The following TPD52L1 variants were observed in gnomAD, a reference collection of about 807,000 sequenced individuals.
TPD52L1 encodes the protein TPD52 like 1, also known as tumor protein D53.
Under a neutral mutation model 28.7 loss-of-function variants are expected in TPD52L1, and 18 were observed. The ratio of observed to expected loss-of-function variants is 0.63; its 90% confidence interval spans 0.43 to 0.93. The LOEUF (loss-of-function observed/expected upper bound fraction) is 0.93, where lower values mean the gene tolerates loss of function less well. Ranked by LOEUF, TPD52L1 falls within the 40% of genes least tolerant of loss-of-function variation. TPD52L1 has a pLI of 0.00. For missense variants in TPD52L1, 203 were observed against 254.8 expected (o/e 0.80, Z 1.39); for synonymous variants, 75 against 88.8 (o/e 0.84, Z 0.88).
At chr6:125,227,395 C>T (rs1297905395) in intron 2 of TPD52L1, among the ~76,000 whole-genome samples, 1 of 152,170 alleles carries the variant, frequency 6.6e-6, no homozygotes, top group Non-Finnish European at 1.5e-5. Flanking sequence ...GAGCTGCTTT[C>T]CCAGGAGCTG....
chr6:125,169,991 C>T (rs1239094163), intron 1 of TPD52L1, among the ~76,000 whole-genome samples: 1 of 152,140 alleles, frequency 6.6e-6, no homozygotes, highest in Admixed American at 6.5e-5. Context: ...CTTCAAGACG[C>T]TTCCTCAGAT....
chr6:125,231,464 T>C (rs779556105), intron 3 of TPD52L1, among the ~76,000 whole-genome samples: 12 of 152,180 alleles, frequency 7.9e-5, no homozygotes, highest in Non-Finnish European at 1.5e-4. Context: ...AATGTCTAAT[T>C]TGTGTTTTTC....
intron 1 of TPD52L1, among the ~76,000 whole-genome samples, chr6:125,172,539 T>TATATATATTATATATATATA (rs1562214632): frequency 1.1e-5 from 1 of 95,042 alleles, no homozygotes; most frequent in Non-Finnish European, 2.0e-5. Flanking sequence ...TATATATATA[T>TATATATATTATATATATATA]ATATATATAT....
rs146766942 is a variant in TPD52L1, at chr6:125,213,847, A to G, written c.20-6231A>G. Among the ~76,000 whole-genome samples the G allele has an allele frequency of 1.6e-3, 244 of 152,288 alleles. 1 individual carries two copies. Among genetic ancestry groups the G allele is most frequent in the African/African-American group, 5.8e-3 (240 of 41,564 alleles). ...GGCAGGCTTCCTATACCATTCAAGGACCAGGAAAGATGTAAATGGGTGGCA... is the reference window on the plus strand; with the variant it reads ...GGCAGGCTTCCTATACCATTCAAGGGCCAGGAAAGATGTAAATGGGTGGCA... On this transcript the variant is annotated intron_variant, in intron 1 of 6. Coordinates refer to ENST00000534000, the MANE Select transcript of TPD52L1 (RefSeq NM_003287.4).
In TPD52L1 at chr6:125,193,978, A is replaced by C. The variant is rs1025014982; in HGVS notation, c.20-26100A>C. Among the ~76,000 whole-genome samples the C allele has an allele frequency of 3.3e-5, 5 of 151,168 alleles. No homozygotes were observed. In the South Asian group the frequency reaches 1.0e-3, roughly 32 times the overall value. ...TATAGATCAAGTCTCTTCAATCATA[A>C]TGATTCAGATAAATAGAGAATTTTG... On this transcript the variant is annotated intron_variant, in intron 1 of 6. Transcript: ENST00000534000.
rs1435368634 is a variant in TPD52L1, at chr6:125,172,185, C to T, written c.19+18215C>T. Reference sequence around the variant, plus strand: ...TCTTTCTTTCTTTCTTTCTTTCTTTCTTTCTTTCTTTCTTTCTTTCTTCTT... The same window carrying T: ...TCTTTCTTTCTTTCTTTCTTTCTTTTTTTCTTTCTTTCTTTCTTTCTTCTT... On this transcript the variant is annotated intron_variant, in intron 1 of 6. Coordinates refer to ENST00000534000, the MANE Select transcript of TPD52L1 (RefSeq NM_003287.4). 2.3e-4 allele frequency among the ~76,000 whole-genome samples: 26 copies of T among 113,262 alleles called. 2 individuals are homozygous for T. Among genetic ancestry groups the T allele is most frequent in the African/African-American group, 9.9e-4 (26 of 26,346 alleles). The allele number at this position is 113,262 out of a possible 152,430, so 74.3% of individuals were successfully genotyped here.
chr6:125,249,821 T>C (rs1320775569), intron 4 of TPD52L1, among the ~76,000 whole-genome samples: 1 of 152,070 alleles, frequency 6.6e-6, no homozygotes, highest in Non-Finnish European at 1.5e-5. Flanking sequence ...ATTGCTGGAC[T>C]GTCCACAATA....
chr6:125,249,232 T>C (rs1049902271), intron 4 of TPD52L1, among the ~76,000 whole-genome samples: 5 of 151,828 alleles, frequency 3.3e-5, no homozygotes, highest in South Asian at 2.1e-4. Context: ...TTGGCTGATA[T>C]GCCTTGGAGG....
chr6:125,200,979 T>C (rs1348776886), intron 1 of TPD52L1, among the ~76,000 whole-genome samples: 1 of 152,204 alleles, frequency 6.6e-6, no homozygotes, highest in Non-Finnish European at 1.5e-5. Flanking sequence ...GCATATTTCA[T>C]TTTTCAGACA....
At chr6:125,163,803 G>A (rs1790687388) in intron 1 of TPD52L1, among the ~76,000 whole-genome samples, 1 of 150,940 alleles carries the variant, frequency 6.6e-6, no homozygotes, top group African/African-American at 2.4e-5. Context: ...TGTAATCCCA[G>A]CTACTTGGGA....
chr6:125,213,589 A>G (rs1260774201), intron 1 of TPD52L1, among the ~76,000 whole-genome samples: 2 of 152,108 alleles, frequency 1.3e-5, no homozygotes, highest in Admixed American at 6.5e-5. Flanking sequence ...CCCCTGATGC[A>G]GGAGCACCAA....
chr6:125,228,470 G>A (rs898242581), intron 2 of TPD52L1, among the ~76,000 whole-genome samples: 113 of 152,180 alleles, frequency 7.4e-4, no homozygotes, highest in African/African-American at 2.6e-3. Flanking sequence ...CTTTCTTAAG[G>A]CATTAGCTTG....
chr6:125,179,009 CT>C (rs894182167), intron 1 of TPD52L1, among the ~76,000 whole-genome samples: 18 of 152,272 alleles, frequency 1.2e-4, no homozygotes, highest in African/African-American at 3.9e-4. Flanking sequence ...TTTTGTATGT[CT>C]TTGGCTCTTA....
In TPD52L1 at chr6:125,153,850, G is replaced by A. The variant is rs1789929662; in HGVS notation, c.-102G>A. On this transcript the variant is annotated 5_prime_UTR_variant, in exon 1 of 7. Transcript: ENST00000534000. The stretch of plus-strand genomic sequence containing the variant: ...CGCGACACGCGTGCCAGGAGTGGGA[G>A]CGAGCGGCGGGGCCAGCTGCGTTCT... 2.2e-6 allele frequency: 3 copies of A among 1,374,460 alleles called. No homozygotes were observed. Among genetic ancestry groups the A allele is most frequent in the Admixed American group, 4.5e-5 (2 of 44,212 alleles). The allele number at this position is 1,374,460 out of a possible 1,614,324, so 85.1% of individuals were successfully genotyped here.
intron 1 of TPD52L1, among the ~76,000 whole-genome samples, chr6:125,219,265 A>G (rs1230507377): frequency 1.3e-5 from 2 of 152,196 alleles, no homozygotes; most frequent in African/African-American, 4.8e-5. Flanking sequence ...GAACTTCTTT[A>G]TATTTTAAAT....
intron 1 of TPD52L1, among the ~76,000 whole-genome samples, chr6:125,208,505 G>C (rs137924416): frequency 6.6e-6 from 1 of 152,012 alleles, no homozygotes; most frequent in Non-Finnish European, 1.5e-5. Flanking sequence ...TTGCAGTCTC[G>C]TGACATTTGT....
At chr6:125,172,150 TTCTTTCTTTTC>T (rs1791410834) in intron 1 of TPD52L1, among the ~76,000 whole-genome samples, 1 of 60,612 alleles carries the variant, frequency 1.6e-5, no homozygotes, top group Non-Finnish European at 3.1e-5. Context: ...CTTTCTTTCT[TTCTTTCTTTTC>T]TTTCTTTCTT....
intron 1 of TPD52L1, among the ~76,000 whole-genome samples, chr6:125,162,376 C>A (rs1790577437): frequency 6.6e-6 from 1 of 152,220 alleles, no homozygotes; most frequent in African/African-American, 2.4e-5. Context: ...TCTGGGTAGG[C>A]AGAATCTGAG....
At chr6:125,212,208 A>C (rs1455360603) in intron 1 of TPD52L1, among the ~76,000 whole-genome samples, 6 of 152,218 alleles carry the variant, frequency 3.9e-5, no homozygotes, top group Non-Finnish European at 8.8e-5. Flanking sequence ...GAAAATTTTC[A>C]TATAAGCTAC....
Sources: gnomAD v4.1 joint callset for allele counts (sites outside exome capture counted in the v4.1 genomes callset) on GRCh38, gnomAD v4.1.1 for gene constraint, MANE v1.5 for transcripts, NCBI Gene and HGNC (gene_info 2026-07-23, HGNC 2026-07-21) for gene names.